WDR86: variants seen among roughly 807,000 people sequenced by gnomAD.
WDR86 encodes WD repeat-containing protein 86.
A neutral mutation model predicts 36.5 loss-of-function variants in WDR86; 30 were observed. The ratio of observed to expected loss-of-function variants is 0.82; its 90% confidence interval spans 0.61 to 1.11. The LOEUF is 1.11. WDR86 is among the 50% of genes most tolerant of loss of function. The pLI is 0.00. For synonymous variants in WDR86, 255 were observed against 252.9 expected (o/e 1.01, Z -0.08); for missense variants, 545 against 561.2 (o/e 0.97, Z 0.29).
intron 1 of WDR86, 79 bp from the exon 2 acceptor site, chr7:151,400,320 A>G (rs1800193457): frequency 5.7e-6 from 8 of 1,406,102 alleles, no homozygotes; most frequent in Non-Finnish European, 7.5e-6. Flanking sequence ...AATGTTTGAA[A>G]AGGGAAGAAA....
chr7:151,400,728 C>T (rs1800223573), intron 1 of WDR86, among the ~76,000 whole-genome samples: 1 of 152,214 alleles, frequency 6.6e-6, no homozygotes, highest in Non-Finnish European at 1.5e-5. Flanking sequence ...GAGTGATTCT[C>T]AGAAAGCACG....
In WDR86 at chr7:151,391,869, C is replaced by T. The variant is rs62490296; in HGVS notation, c.726+3907G>A. ...CCCGCCCCTCCCACGCACCGTGAGG[C>T]TGACACCTCATCCCACCCGTCCTGG... On this transcript the variant is annotated intron_variant, in intron 3 of 5. Transcript: ENST00000334493. Among the ~76,000 whole-genome samples the T allele has an allele frequency of 7.9e-5, 12 of 151,576 alleles. No homozygotes were observed. The East Asian group carries it at 2.4e-3, about 30-fold the overall frequency.
chr7:151,404,071 C>A (rs992214630), intron 1 of WDR86, among the ~76,000 whole-genome samples: 1 of 152,212 alleles, frequency 6.6e-6, no homozygotes, highest in African/African-American at 2.4e-5. Context: ...CCTGGTGGAA[C>A]TGAAGCCTGA....
chr7:151,400,313 GT>G, intron 1 of WDR86, 72 bp from the exon 2 acceptor site: 1 of 1,429,262 alleles, frequency 7.0e-7, no homozygotes, highest in Non-Finnish European at 9.3e-7. Flanking sequence ...TGGGAACAAT[GT>G]TTGAAAAGGG....
intron 1 of WDR86, among the ~76,000 whole-genome samples, chr7:151,402,085 A>ATATATATATATG (rs1554425391): frequency 3.9e-5 from 5 of 128,608 alleles, no homozygotes; most frequent in Non-Finnish European, 6.4e-5. Context: ...ATATATATAT[A>ATATATATATATG]TATATATCTC....
intron 4 of WDR86, among the ~76,000 whole-genome samples, chr7:151,383,171 G>A (rs966160324): frequency 1.4e-5 from 2 of 146,048 alleles, no homozygotes; most frequent in African/African-American, 5.3e-5. Flanking sequence ...AAAACGGGGC[G>A]GCGGGGTGGG....
chr7:151,392,081 T>C (rs1383929359), intron 3 of WDR86, among the ~76,000 whole-genome samples: 2 of 152,148 alleles, frequency 1.3e-5, no homozygotes, highest in East Asian at 3.9e-4. Context: ...CTTCAGACGC[T>C]CAGGGCAGGG....
At position 151,381,251 on chromosome 7, in the gene WDR86, T is replaced by TGGGGCTGGG; in HGVS notation, c.*322_*330dup. The TGGGGCTGGG allele has an allele frequency of 7.7e-7, 1 of 1,300,696 alleles. No homozygotes were observed. The highest frequency in any genetic ancestry group is 9.7e-7 in the Non-Finnish European group (1 of 1,028,952). 80.6% of individuals were successfully genotyped at this position (1,300,696 alleles called of 1,614,324 possible). A position where few individuals can be genotyped will look rare whatever the true frequency, so the allele number is the denominator to read the frequency against. ...TCTCAGCAGGAAAGGCCCAGTTTCG[T>TGGGGCTGGG]GGGGCTGGGGGAGCTGGGGCAGTCC... On this transcript the variant is annotated 3_prime_UTR_variant, in exon 6 of 6. Transcript: ENST00000334493. This position sits in a 1 kb window ranked among gnomAD's most constrained non-coding sequence, Gnocchi z 4.8.
chr7:151,392,454 C>T (rs1036449513), intron 3 of WDR86, among the ~76,000 whole-genome samples: 9 of 152,190 alleles, frequency 5.9e-5, no homozygotes, highest in African/African-American at 2.2e-4. Flanking sequence ...CCAGAGTCCC[C>T]CACTGTGAGA....
intron 3 of WDR86, among the ~76,000 whole-genome samples, chr7:151,386,049 A>G (rs1170120119): frequency 6.6e-6 from 1 of 152,162 alleles, no homozygotes; most frequent in Non-Finnish European, 1.5e-5. Context: ...AGACAGGCGC[A>G]GGCTTCATGC....
intron 2 of WDR86, among the ~76,000 whole-genome samples, chr7:151,398,311 A>C (rs1800021285): frequency 6.6e-6 from 1 of 151,656 alleles, no homozygotes; most frequent in South Asian, 2.1e-4. Context: ...GTATGTGTGT[A>C]AGTTGCATGT....
chr7:151,368,983 C>G, the WDR86 span: 1 of 1,266,662 alleles, frequency 7.9e-7, no homozygotes, highest in Non-Finnish European at 1.1e-6. Flanking sequence ...CTTTATTACT[C>G]CAGATTGGGA....
At chr7:151,377,014 T>A (rs1005112350), downstream of WDR86, 41 of 1,498,518 alleles carry the variant, frequency 2.7e-5, no homozygotes, top group Non-Finnish European at 3.7e-5. Flanking sequence ...AATCCTCACA[T>A]AATTCACTTA....
chr7:151,395,822 T>C lies in WDR86; in HGVS notation c.680A>G (p.Gln227Arg). 6.3e-7 allele frequency: 1 copy of C among 1,577,202 alleles called. No homozygotes were observed. Among genetic ancestry groups the C allele is most frequent in the Non-Finnish European group, 8.6e-7 (1 of 1,163,578 alleles). ...IRAWDILSGE[Q>R]LRVFREHRGS... ...CCGGTGCTCCCGGAACACCCGCAGCTGCTCCCCACTCAGGATGTCCCAGGC... is the reference window on the plus strand; with the variant it reads ...CCGGTGCTCCCGGAACACCCGCAGCCGCTCCCCACTCAGGATGTCCCAGGC... Residue 227 changes from glutamine to arginine, a missense_variant, in exon 3 of 6, where the codon CAG (glutamine) becomes CGG (arginine). By Grantham distance (43) the Gln-to-Arg change is conservative (BLOSUM62 1). Coordinates refer to ENST00000334493, the MANE Select transcript of WDR86 (RefSeq NM_198285.3).
downstream of WDR86, among the ~76,000 whole-genome samples, chr7:151,380,382 G>A (rs189049490): frequency 1.3e-5 from 2 of 152,182 alleles, no homozygotes; most frequent in Admixed American, 6.5e-5. Flanking sequence ...ACTATGAAGC[G>A]CATGCTGCTC....
chr7:151,407,537 T>C lies in WDR86; in HGVS notation c.163+1890A>G, dbSNP rs548178108. ...TGTGCATAAGACCCACCCAAAAGCT[T>C]GTTAGAAATGCCAATTCTAGGCCGG... On this transcript the variant is annotated intron_variant, in intron 1 of 5. Coordinates refer to ENST00000334493, the MANE Select transcript of WDR86 (RefSeq NM_198285.3). Among the ~76,000 whole-genome samples the C allele has an allele frequency of 8.5e-5, 13 of 152,218 alleles. No individual in the cohort carries two copies. In the South Asian group the frequency reaches 2.3e-3, roughly 27 times the overall value.
chr7:151,374,893 C>T (rs888726933), downstream of WDR86, among the ~76,000 whole-genome samples: 4 of 152,072 alleles, frequency 2.6e-5, no homozygotes, highest in Non-Finnish European at 4.4e-5. Context: ...TGAGGGGTCC[C>T]GAGGGGGTGC....
chr7:151,376,488 A>T, downstream of WDR86: 4 of 791,274 alleles, frequency 5.1e-6, no homozygotes, highest in South Asian at 8.2e-5. Flanking sequence ...CTCACATTGC[A>T]CAGAAGCATG....
At chr7:151,384,939 C>T (rs536777252) in intron 4 of WDR86, 149 bp downstream of exon 4, 30 of 878,810 alleles carry the variant, frequency 3.4e-5, no homozygotes, top group Middle Eastern at 3.6e-4. Flanking sequence ...GCTGGAAGCA[C>T]GGGTGTGTGG....
Sources: allele counts gnomAD v4.1 joint callset (sites outside exome capture counted in the v4.1 genomes callset), GRCh38; gene constraint gnomAD v4.1.1; non-coding constraint Gnocchi (gnomAD v3.1); transcripts MANE v1.5; gene names NCBI Gene and HGNC (gene_info 2026-07-23, HGNC 2026-07-21).